VEPH1: variants seen among roughly 807,000 people sequenced by gnomAD.
The protein encoded by VEPH1 is ventricular zone expressed PH domain containing 1.
A neutral mutation model predicts 85.2 loss-of-function variants in VEPH1; 80 were observed. The ratio of observed to expected loss-of-function variants is 0.94; its 90% CI spans 0.78 to 1.13. The LOEUF (loss-of-function observed/expected upper bound fraction) is 1.13. Among genes scored for constraint, VEPH1 ranks in the 50% most tolerant of loss-of-function variants. The pLI is 0.00. For synonymous variants in VEPH1, 297 were observed against 348.0 expected (o/e 0.85, Z 1.63); for missense variants, 955 against 980.5 (o/e 0.97, Z 0.35).
chr3:157,460,390 G>T, intron 3 of VEPH1, 35 bp from the exon 4 acceptor site: 2 of 1,588,656 alleles, frequency 1.3e-6, no homozygotes, highest in South Asian at 2.3e-5. Context: ...AATAATAAGT[G>T]ACTCATTATT....
At chr3:157,437,924 C>T in intron 4 of VEPH1, 1 of 1,528,150 alleles carries the variant, frequency 6.5e-7, no homozygotes, top group South Asian at 1.2e-5. Context: ...GGTAAGGAGG[C>T]AAGCGGGGCC....
intron 4 of VEPH1, among the ~76,000 whole-genome samples, chr3:157,430,961 G>T (rs925481843): frequency 1.3e-5 from 2 of 152,204 alleles, no homozygotes; most frequent in African/African-American, 4.8e-5. Context: ...TGCTCTAGGA[G>T]AGAATTTGTT....
At chr3:157,271,702 A>G (rs1714571644) in intron 12 of VEPH1, among the ~76,000 whole-genome samples, 1 of 152,120 alleles carries the variant, frequency 6.6e-6, no homozygotes, top group African/African-American at 2.4e-5. Context: ...TGAAAGCCAG[A>G]GCTAAAAGAG....
At position 157,381,173 on chromosome 3, in the gene VEPH1, G is replaced by C. The variant is rs749457446; in HGVS notation, c.1110C>G (p.Thr370=). 1.2e-6 allele frequency: 2 copies of C among 1,613,472 alleles called. No individual in the cohort carries two copies. Among genetic ancestry groups the C allele is most frequent in the Non-Finnish European group, 8.5e-7 (1 of 1,179,996 alleles). Residue 370 remains threonine (T), a synonymous_variant, in exon 7 of 14, where the codon ACC becomes ACG. Coordinates refer to ENST00000362010, the MANE Select transcript of VEPH1 (RefSeq NM_001167912.2). Reference sequence around the variant, plus strand: ...TTGCTCACCTGCCACTTCCAGCCTTGGTATTTTCCAGTTGTCGGGTAAGGA... The same window carrying C: ...TTGCTCACCTGCCACTTCCAGCCTTCGTATTTTCCAGTTGTCGGGTAAGGA... ...AKLLTRQLEN[T]KAGSGRRKIS... is the part of the protein sequence containing the mutation.
At chr3:157,437,889 G>A in intron 4 of VEPH1, 1 of 1,520,358 alleles carries the variant, frequency 6.6e-7, no homozygotes, top group Non-Finnish European at 8.8e-7. Context: ...TGCAGGGCTG[G>A]GCTGCCCGGA....
At chr3:157,475,199 C>T (rs1469140078) in intron 2 of VEPH1, among the ~76,000 whole-genome samples, 1 of 148,188 alleles carries the variant, frequency 6.7e-6, no homozygotes. Context: ...GTTATTTTTC[C>T]CTGGCTAGTC....
intron 3 of VEPH1, among the ~76,000 whole-genome samples, chr3:157,465,657 C>T (rs1410959459): frequency 2.0e-5 from 3 of 152,180 alleles, no homozygotes; most frequent in Non-Finnish European, 2.9e-5. Flanking sequence ...TGAGGCACTT[C>T]ACATGCAACA....
At chr3:157,436,342 G>T (rs1307879669) in intron 4 of VEPH1, among the ~76,000 whole-genome samples, 1 of 152,172 alleles carries the variant, frequency 6.6e-6, no homozygotes, top group Non-Finnish European at 1.5e-5. Context: ...AAGATAGCTC[G>T]GATTGGACTT....
At chr3:157,479,991 T>TTCTC (rs1192742807) in intron 2 of VEPH1, among the ~76,000 whole-genome samples, 1 of 151,992 alleles carries the variant, frequency 6.6e-6, no homozygotes, top group East Asian at 1.9e-4. Flanking sequence ...TCTTTTCACT[T>TTCTC]TCTCTCTTTC....
intron 11 of VEPH1, among the ~76,000 whole-genome samples, chr3:157,287,179 C>T (rs1250892493): frequency 6.6e-6 from 1 of 152,016 alleles, no homozygotes; most frequent in East Asian, 1.9e-4. Context: ...TCAAGACCAG[C>T]CTGGGCAACA....
intron 7 of VEPH1, among the ~76,000 whole-genome samples, chr3:157,375,878 C>G (rs536298745): frequency 6.6e-6 from 1 of 152,064 alleles, no homozygotes; most frequent in Non-Finnish European, 1.5e-5. Flanking sequence ...ACAAAAAAAA[C>G]GCAACATTCA....
chr3:157,390,696 C>A (rs539082809), intron 6 of VEPH1, among the ~76,000 whole-genome samples: 26 of 152,300 alleles, frequency 1.7e-4, no homozygotes, highest in African/African-American at 6.0e-4. Context: ...GAGGAAAATG[C>A]TGGAATAAAG....
At chr3:157,459,659 A>G in intron 4 of VEPH1, 3 of 1,326,334 alleles carry the variant, frequency 2.3e-6, no homozygotes, top group Non-Finnish European at 2.9e-6. Context: ...ATTCATTCAA[A>G]TGTTGTAACA....
intron 7 of VEPH1, among the ~76,000 whole-genome samples, chr3:157,373,681 C>G (rs779929921): frequency 6.6e-6 from 1 of 152,172 alleles, no homozygotes; most frequent in African/African-American, 2.4e-5. Flanking sequence ...CACAAACACC[C>G]TTTTTCCTCA....
Position 157,428,554 on chromosome 3 carries a change from T to C in VEPH1, c.530-66A>G, listed in dbSNP as rs577004215. 300 of 1,494,898 alleles carry C rather than the reference T, an allele frequency of 2.0e-4. 1 individual carries two copies. The African/African-American group carries it at 3.6e-3, about 18-fold the overall frequency. The allele number at this position is 1,494,898 out of a possible 1,614,324, so 92.6% of individuals were successfully genotyped here. ...CCATGAGCAACAGAAATAACATTAT[T>C]ACCAATGTAATAATATTTGCACTTA... On this transcript the variant is annotated intron_variant, in intron 4 of 13. Coordinates refer to ENST00000362010, the MANE Select transcript of VEPH1 (RefSeq NM_001167912.2).
chr3:157,315,491 T>C (rs1295812687), intron 10 of VEPH1, among the ~76,000 whole-genome samples: 1 of 152,024 alleles, frequency 6.6e-6, no homozygotes, highest in Non-Finnish European at 1.5e-5. Flanking sequence ...ATTTGGGAAC[T>C]TTATAAATAT....
rs534129317 is a variant in VEPH1 at position 157,462,069 on chromosome 3, A to T, written c.355-1714T>A. On this transcript the variant is annotated intron_variant, in intron 3 of 13. Transcript: ENST00000362010. ...TATATATATAATATATATTATAAAT[A>T]TAAAAGTATTATTTATATATATATA... Among the ~76,000 whole-genome samples, 5 of 147,980 alleles carry T rather than the reference A, an allele frequency of 3.4e-5. No individual in the cohort carries two copies. In the East Asian group the frequency reaches 7.8e-4, roughly 23 times the overall value.
At chr3:157,395,576 TG>T (rs1269665326) in intron 6 of VEPH1, among the ~76,000 whole-genome samples, 8 of 152,226 alleles carry the variant, frequency 5.3e-5, no homozygotes, top group African/African-American at 9.6e-5. Context: ...CATATCCACT[TG>T]ATTATTAAAA....
rs1718602559 is a variant in VEPH1 at position 157,299,997 on chromosome 3, G to T, written c.2011-13323C>A. ...TACTGCTATTTTCTGCACTTTGCAG[G>T]TAAAGAAGGTAAGGCACACAGGAGT... On this transcript the variant is annotated intron_variant, in intron 11 of 13. Coordinates refer to ENST00000362010, the MANE Select transcript of VEPH1 (RefSeq NM_001167912.2). Among the ~76,000 whole-genome samples, 5 of 152,182 alleles carry T rather than the reference G, an allele frequency of 3.3e-5. No individual in the cohort carries two copies. In the South Asian group the frequency reaches 1.0e-3, roughly 32 times the overall value.
Sources: allele counts gnomAD v4.1 joint callset (sites outside exome capture counted in the v4.1 genomes callset), GRCh38; gene constraint gnomAD v4.1.1; transcripts MANE v1.5; gene names NCBI Gene and HGNC (gene_info 2026-07-23, HGNC 2026-07-21).